The following PREX1 variants were observed in gnomAD, a reference collection of about 807,000 sequenced individuals.
The protein encoded by PREX1 is phosphatidylinositol-3,4,5-trisphosphate dependent Rac exchange factor 1, also known as phosphatidylinositol 3,4,5-trisphosphate-dependent Rac exchanger 1 protein.
In PREX1, 41 loss-of-function variants were observed where a neutral mutation model predicts 198.3. The ratio of observed to expected loss-of-function variants is 0.21; its 90% confidence interval spans 0.16 to 0.27. The LOEUF (loss-of-function observed/expected upper bound fraction) is 0.27. Among genes scored for constraint, PREX1 ranks in the 10% least tolerant of loss-of-function variants. The pLI is 1.00. For synonymous variants in PREX1, 843 were observed against 887.2 expected (o/e 0.95, Z 0.89); for missense variants, 1,620 against 2,200.7 (o/e 0.74, Z 5.28).
At chr20:48,628,087 G>A (rs979342331) in intron 37 of PREX1, 124 bp from the exon 38 acceptor site, 2 of 694,508 alleles carry the variant, frequency 2.9e-6, no homozygotes, top group African/African-American at 1.8e-5. Flanking sequence ...AGGCCTCCCA[G>A]ACCCAATCCT....
intron 1 of PREX1, among the ~76,000 whole-genome samples, chr20:48,796,529 G>A (rs2090363169): frequency 6.6e-6 from 1 of 151,988 alleles, no homozygotes; most frequent in Non-Finnish European, 1.5e-5. Context: ...TCTGGGGAGG[G>A]AACTTGGAGG....
At chr20:48,837,728 G>A in the PREX1 span, among the ~76,000 whole-genome samples, 1 of 152,120 alleles carries the variant, frequency 6.6e-6, no homozygotes, top group African/African-American at 2.4e-5. Flanking sequence ...ACTAGGCTTA[G>A]TATCTGGGTG....
the PREX1 span, among the ~76,000 whole-genome samples, chr20:48,848,430 T>C: frequency 1.3e-5 from 2 of 151,498 alleles, no homozygotes; most frequent in African/African-American, 4.8e-5. Context: ...AATTTTTATA[T>C]TTTTTTTGTA....
At chr20:48,650,493 C>A (rs1601044413) in intron 23 of PREX1, among the ~76,000 whole-genome samples, 1 of 152,372 alleles carries the variant, frequency 6.6e-6, no homozygotes, top group Middle Eastern at 3.4e-3. Context: ...ACCCTCAGTT[C>A]ATGAGGTTCA....
intron 39 of PREX1, 28 bp from the exon 40 acceptor site, chr20:48,625,955 A>T (rs777606115): frequency 7.8e-6 from 12 of 1,537,184 alleles, no homozygotes; most frequent in Middle Eastern, 3.4e-4. Context: ...GAGAATGAGG[A>T]GAGGCCGGGG....
intron 1 of PREX1, among the ~76,000 whole-genome samples, chr20:48,814,852 T>C (rs1243382610): frequency 6.6e-6 from 1 of 152,164 alleles, no homozygotes. Flanking sequence ...AATTAAAAGG[T>C]TGCGACTGTC....
At chr20:48,808,184 G>A (rs1361867831) in intron 1 of PREX1, among the ~76,000 whole-genome samples, 1 of 152,130 alleles carries the variant, frequency 6.6e-6, no homozygotes, top group African/African-American at 2.4e-5. Flanking sequence ...CTGACCTCAG[G>A]CACAGGCACC....
chr20:48,656,978 C>G, intron 18 of PREX1, 62 bp downstream of exon 18: 1 of 1,522,634 alleles, frequency 6.6e-7, no homozygotes, highest in Non-Finnish European at 8.8e-7. Flanking sequence ...GCCACCCCAG[C>G]CCTCAGCCAC....
intron 5 of PREX1, among the ~76,000 whole-genome samples, chr20:48,715,163 A>G (rs979891121): frequency 1.3e-5 from 2 of 152,194 alleles, no homozygotes; most frequent in Non-Finnish European, 2.9e-5. Context: ...GTATTTCTGG[A>G]AGGAACCCAA....
the PREX1 span, among the ~76,000 whole-genome samples, chr20:48,858,333 A>G: frequency 6.6e-6 from 1 of 152,156 alleles, no homozygotes; most frequent in Non-Finnish European, 1.5e-5. Context: ...GATTTCCCAC[A>G]AACTCACTCA....
chr20:48,628,449 A>C (rs543481552), intron 37 of PREX1, among the ~76,000 whole-genome samples: 1 of 152,312 alleles, frequency 6.6e-6, no homozygotes, highest in African/African-American at 2.4e-5. Flanking sequence ...GACCCTGGGT[A>C]GCTGAGTTAA....
intron 1 of PREX1, among the ~76,000 whole-genome samples, chr20:48,755,030 T>C (rs2090150799): frequency 6.6e-6 from 1 of 152,194 alleles, no homozygotes; most frequent in African/African-American, 2.4e-5. Flanking sequence ...ATATGTGGCA[T>C]GAAGCTTTAC....
intron 7 of PREX1, among the ~76,000 whole-genome samples, chr20:48,698,986 T>C (rs2089860951): frequency 2.0e-5 from 3 of 152,192 alleles, no homozygotes; most frequent in Admixed American, 2.0e-4. Context: ...GGCCTAGCTC[T>C]TAACCAAACA....
chr20:48,883,907 G>C, the PREX1 span, among the ~76,000 whole-genome samples: 1 of 152,124 alleles, frequency 6.6e-6, no homozygotes, highest in African/African-American at 2.4e-5. Context: ...TTGGGGGGCT[G>C]AGGTGGGCAG....
intron 38 of PREX1, 123 bp from the exon 39 acceptor site, chr20:48,627,738 C>T: frequency 7.1e-7 from 1 of 1,402,244 alleles, no homozygotes; most frequent in Non-Finnish European, 9.9e-7. Flanking sequence ...TTGCTCCCCT[C>T]CAGATTCAGA....
chr20:48,743,923 A>G (rs1326545454), intron 3 of PREX1, among the ~76,000 whole-genome samples: 1 of 152,186 alleles, frequency 6.6e-6, no homozygotes, highest in Non-Finnish European at 1.5e-5. Context: ...CTCTGAGGGC[A>G]AAGTCACACA....
intron 34 of PREX1, 49 bp from the exon 35 acceptor site, chr20:48,632,440 C>T (rs779408156): frequency 1.2e-6 from 2 of 1,613,338 alleles, no homozygotes; most frequent in Admixed American, 3.3e-5. Flanking sequence ...AGCCGGTGTG[C>T]TTGGTGGCCT....
rs576863487 is a variant in PREX1 at position 48,647,604 on chromosome 20, C to T, written c.3306-1547G>A. On this transcript the variant is annotated intron_variant, in intron 25 of 39. Coordinates refer to ENST00000371941, the MANE Select transcript of PREX1 (RefSeq NM_020820.4). ...ATACGCCCAGCTAGATGCAATCCCA[C>T]CACATCTCCACAGTCAGTAGCATGA... Among the ~76,000 whole-genome samples, 11 of 151,902 alleles carry T rather than the reference C, an allele frequency of 7.2e-5. No homozygotes were observed. The South Asian group carries it at 2.1e-3, about 29-fold the overall frequency.
chr20:48,626,518 C>T (rs1172565147), intron 39 of PREX1, among the ~76,000 whole-genome samples: 1 of 152,226 alleles, frequency 6.6e-6, no homozygotes, highest in Non-Finnish European at 1.5e-5. Flanking sequence ...GGATGACAGC[C>T]GGACTTGGCT....
Sources: allele counts gnomAD v4.1 joint callset (sites outside exome capture counted in the v4.1 genomes callset), GRCh38; gene constraint gnomAD v4.1.1; transcripts MANE v1.5; gene names NCBI Gene and HGNC (gene_info 2026-07-23, HGNC 2026-07-21).